Variants in TXLNA observed in about 807,000 individuals in gnomAD.
TXLNA encodes the protein alpha-taxilin.
A neutral mutation model predicts 61.4 loss-of-function variants in TXLNA; 9 were observed. That is an observed-to-expected ratio of 0.15 (90% CI 0.09 to 0.26). The LOEUF is 0.26. Ranked by LOEUF, TXLNA falls within the 10% of genes least tolerant of loss-of-function variation. The pLI is 1.00. For missense variants in TXLNA, 565 were observed against 688.8 expected, an observed-to-expected ratio of 0.82 and a Z score of 2.01; for synonymous variants, 257 against 267.7, an observed-to-expected ratio of 0.96 and a Z score of 0.39.
intron 4 of TXLNA, among the ~76,000 whole-genome samples, chr1:32,187,452 G>C (rs1255346443): frequency 6.6e-6 from 1 of 152,202 alleles, no homozygotes; most frequent in African/African-American, 2.4e-5. Flanking sequence ...CAGGGAGTTA[G>C]AAGGATTATC....
chr1:32,184,573 C>A lies in TXLNA; in HGVS notation c.554C>A (p.Pro185Gln), dbSNP rs1642740716. ...CAGACATTGAATACTCTGAGTACCC[C>A]AGAGGAGAAGCTGGCTGCTCTGTGC... ...LMQTLNTLST[P>Q]EEKLAALCKK... Residue 185 changes from proline (P) to glutamine (Q), a missense_variant, in exon 4 of 11, where the codon CCA becomes CAA. Around this residue, in one of 2 missense-constraint regions of TXLNA, gnomAD observed 373 missense variants for 504.0 expected, o/e 0.74. Coordinates refer to ENST00000373610, the MANE Select transcript of TXLNA (RefSeq NM_175852.4). 6.2e-7 allele frequency: 1 copy of A among 1,613,866 alleles called. No homozygotes were observed. Among genetic ancestry groups the A allele is most frequent in the South Asian group, 1.1e-5 (1 of 91,084 alleles).
At chr1:32,190,505 C>T (rs553951429) in intron 6 of TXLNA, among the ~76,000 whole-genome samples, 1 of 152,222 alleles carries the variant, frequency 6.6e-6, no homozygotes, top group Admixed American at 6.5e-5. Flanking sequence ...GGAATTAGAA[C>T]TATCCACATT....
At chr1:32,187,923 G>C (rs1642821364) in intron 4 of TXLNA, 31 bp from the exon 5 acceptor site, 1 of 1,604,900 alleles carries the variant, frequency 6.2e-7, no homozygotes, top group Non-Finnish European at 8.5e-7. Context: ...CCCACAAGAT[G>C]CTCACCTGCC....
chr1:32,192,320 A>C lies in TXLNA; in HGVS notation c.973A>C (p.Lys325Gln), dbSNP rs1018642680. 4 of 1,613,980 alleles carry C rather than the reference A, an allele frequency of 2.5e-6. No homozygotes were observed. In the African/African-American group the frequency reaches 5.3e-5, roughly 22 times the overall value. Residue 325 changes from lysine (K) to glutamine (Q), a missense_variant, in exon 7 of 11, where the codon AAA (lysine) becomes CAA (glutamine). This residue lies in a region of TXLNA where 373 missense variants were observed against 504.0 expected (regional missense o/e 0.74). Transcript: ENST00000373610. This position sits in a 1 kb window ranked among gnomAD's most constrained non-coding sequence, Gnocchi z 4.2. ...QYELREEHID[K>Q]VFKHKDLQQQ... ...ACCATCTTTGTTGCAGCATATCGAC[A>C]AAGTCTTCAAACACAAGGACCTACA...
At position 32,181,525 on chromosome 1, in the gene TXLNA, C is replaced by G. The variant is rs371704796; in HGVS notation, c.453C>G (p.Val151=). 261 of 1,590,462 alleles carry G rather than the reference C, an allele frequency of 1.6e-4. No individual in the cohort carries two copies. The highest frequency in any genetic ancestry group is 2.1e-4 in the Non-Finnish European group (250 of 1,167,906). Residue 151 remains valine, a synonymous_variant, in exon 3 of 11, where the codon GTC becomes GTG. Transcript: ENST00000373610. ...AAGAGATCCGGCAGAGTGACGAGGT[C>G]GGAGACCGAGACCATCGAAGGCCAC... ...NTEEIRQSDE[V]GDRDHRRPQE...
At chr1:32,193,134 CG>C in intron 8 of TXLNA, 73 bp from the exon 9 acceptor site, 1 of 914,768 alleles carries the variant, frequency 1.1e-6, no homozygotes, top group Non-Finnish European at 1.8e-6. Flanking sequence ...GAGTCAAGGA[CG>C]GGTCTGAGTG....
rs908051735 is a variant in TXLNA, at chr1:32,195,778, T to C, written c.*583T>C. The C allele has an allele frequency of 2.2e-6, 1 of 456,038 alleles. No homozygotes were observed. Among genetic ancestry groups the C allele is most frequent in the African/African-American group, 2.0e-5 (1 of 50,044 alleles). 28.2% of individuals were successfully genotyped at this position (456,038 alleles called of 1,614,324 possible). On this transcript the variant is annotated 3_prime_UTR_variant, in exon 11 of 11. Transcript: ENST00000373610. ...TGCCTGGAACAAGGGACCTGGAGAA[T>C]GTTTTTGCGTGGGATGATGTGCTGG...
At position 32,192,405 on chromosome 1, in the gene TXLNA, A is replaced by C; in HGVS notation, c.1058A>C (p.Glu353Ala). ...CAGGAGATGCTAAAGGAGGCAGAAG[A>C]GCGGCACCAGCGGGAGAAGGATTTT... ...QAQEMLKEAEERHQREKDFLL... is the reference protein window; with the variant it reads ...QAQEMLKEAEARHQREKDFLL... The change falls in exon 7 of 11, where the codon GAG becomes GCG. Residue 353 changes from glutamate (E) to alanine (A), a missense_variant. Physicochemically the swap from Glu to Ala is moderately radical, Grantham distance 107. This residue lies in a region of TXLNA where 373 missense variants were observed against 504.0 expected (regional missense o/e 0.74). Transcript: ENST00000373610. The surrounding 1 kb of genome is among the most constrained non-coding windows in gnomAD (Gnocchi z 4.2). 6.2e-7 allele frequency: 1 copy of C among 1,614,060 alleles called. No individual in the cohort carries two copies. The highest frequency in any genetic ancestry group is 8.5e-7 in the Non-Finnish European group (1 of 1,179,988).
chr1:32,186,101 A>G lies in TXLNA; in HGVS notation c.597+1485A>G, dbSNP rs80200093. On this transcript the variant is annotated intron_variant, in intron 4 of 10. Transcript: ENST00000373610. ...AAAATGGGGAATGTCATACCTGCCT[A>G]ATGACATTCTTGTAAGGATTAAATA... 2.6e-3 allele frequency among the ~76,000 whole-genome samples: 392 copies of G among 152,348 alleles called. 1 individual carries two copies. The highest frequency in any genetic ancestry group is 9.2e-3 in the African/African-American group (383 of 41,584).
chr1:32,190,314 C>T, intron 6 of TXLNA, 65 bp downstream of exon 6: 1 of 1,460,904 alleles, frequency 6.8e-7, no homozygotes, highest in South Asian at 1.3e-5. Context: ...GTGCTAGGCA[C>T]TGGGACAGTA....
intron 6 of TXLNA, among the ~76,000 whole-genome samples, chr1:32,191,988 C>G: frequency 6.6e-6 from 1 of 152,270 alleles, no homozygotes; most frequent in East Asian, 1.9e-4. Flanking sequence ...GAATCAGGGA[C>G]ACAGAAGTGA....
At chr1:32,185,383 T>A (rs900654809) in intron 4 of TXLNA, among the ~76,000 whole-genome samples, 2 of 128,936 alleles carry the variant, frequency 1.6e-5, no homozygotes, top group Non-Finnish European at 3.3e-5. Flanking sequence ...TGTATGTATG[T>A]ATGTATTTAT....
intron 2 of TXLNA, 77 bp downstream of exon 2, chr1:32,180,591 G>A (rs1642633226): frequency 1.4e-6 from 2 of 1,478,310 alleles, no homozygotes; most frequent in Admixed American, 2.5e-5. Flanking sequence ...CTTACAGGCC[G>A]AGGCCAGGTT....
At chr1:32,193,104 C>T in intron 8 of TXLNA, 104 bp from the exon 9 acceptor site, 1 of 769,486 alleles carries the variant, frequency 1.3e-6, no homozygotes, top group Non-Finnish European at 2.3e-6. Flanking sequence ...AATAGTATCT[C>T]AATAGAATTA....
At chr1:32,190,356 T>G in intron 6 of TXLNA, 107 bp downstream of exon 6, 2 of 1,036,672 alleles carry the variant, frequency 1.9e-6, no homozygotes, top group Non-Finnish European at 2.7e-6. Context: ...TCTCCCTTTC[T>G]TCCTCCTCCT....
chr1:32,189,415 G>C (rs1219436371), intron 5 of TXLNA, among the ~76,000 whole-genome samples: 1 of 152,186 alleles, frequency 6.6e-6, no homozygotes, highest in African/African-American at 2.4e-5. Context: ...CTTGGTCTCT[G>C]GGGGTACAGA....
Position 32,192,175 on chromosome 1 carries a change from T to C in TXLNA, c.964-136T>C, listed in dbSNP as rs1170335807. 1.5e-6 allele frequency: 2 copies of C among 1,303,170 alleles called. No homozygotes were observed. The highest frequency in any genetic ancestry group is 2.1e-6 in the Non-Finnish European group (2 of 948,776). 80.7% of individuals were successfully genotyped at this position (1,303,170 alleles called of 1,614,324 possible). ...CCTTCCAGAGACTTGGGGCCCATGT[T>C]GTGTGGTACACATGGGAGTCCATCA... On this transcript the variant is annotated intron_variant, in intron 6 of 10. Coordinates refer to ENST00000373610, the MANE Select transcript of TXLNA (RefSeq NM_175852.4). This position sits in a 1 kb window ranked among gnomAD's most constrained non-coding sequence, Gnocchi z 4.2.
intron 5 of TXLNA, among the ~76,000 whole-genome samples, chr1:32,188,659 C>T (rs138700158): frequency 4.7e-4 from 72 of 151,674 alleles, no homozygotes; most frequent in Non-Finnish European, 7.7e-4. Flanking sequence ...AAAAGTAGTG[C>T]AGGCTTGTGG....
intron 5 of TXLNA, among the ~76,000 whole-genome samples, chr1:32,189,407 T>C (rs1642857241): frequency 6.6e-6 from 1 of 152,198 alleles, no homozygotes; most frequent in South Asian, 2.1e-4. Flanking sequence ...TTTAACAGCT[T>C]GGTCTCTGGG....
Sources: gnomAD v4.1 joint callset for allele counts (sites outside exome capture counted in the v4.1 genomes callset) on GRCh38, gnomAD v4.1.1 for gene constraint, gnomAD v4.1.1 regional missense constraint, Gnocchi (gnomAD v3.1) non-coding constraint, MANE v1.5 for transcripts, NCBI Gene and HGNC (gene_info 2026-07-23, HGNC 2026-07-21) for gene names.